Variants in ADGB observed in about 807,000 individuals in gnomAD.
The protein encoded by ADGB is calpain-7-like protein.
Under a neutral mutation model 210.5 loss-of-function variants are expected in ADGB, and 172 were observed. That is an observed-to-expected ratio of 0.82 (90% CI 0.72 to 0.93). ADGB has a LOEUF of 0.93. ADGB is among the 40% of genes least tolerant of loss of function. The pLI is 0.00. For synonymous variants in ADGB, 658 were observed against 662.7 expected, an observed-to-expected ratio of 0.99 and a Z score of 0.11; for missense variants, 2,025 against 1,964.8, an observed-to-expected ratio of 1.03 and a Z score of -0.58.
intron 35 of ADGB, chr6:146,802,681 A>AAAAT: frequency 1.0e-6 from 1 of 1,000,798 alleles, no homozygotes; most frequent in Non-Finnish European, 1.5e-6. Flanking sequence ...TTTAAAAGAA[A>AAAAT]AAATAGTTTT....
intron 1 of ADGB, among the ~76,000 whole-genome samples, chr6:146,599,934 C>T (rs1431719294): frequency 2.0e-5 from 3 of 152,112 alleles, no homozygotes; most frequent in Admixed American, 6.6e-5. Context: ...ATGGGGAGGG[C>T]GATGCAATCA....
Position 146,728,685 on chromosome 6 carries a change from A to G in ADGB, c.2464A>G (p.Thr822Ala), listed in dbSNP as rs771259432. The change falls in exon 20 of 36, where the codon ACA (threonine) becomes GCA (alanine). Residue 822 changes from threonine (T) to alanine (A), a missense_variant. By Grantham distance (58) the Thr-to-Ala change is moderately conservative. Coordinates refer to ENST00000397944, the MANE Select transcript of ADGB (RefSeq NM_024694.4). ...KLSAALKDLQ[T>A]AHYPVPFHDK... Reference sequence around the variant, plus strand: ...CTCTGCAGCTTTGAAGGATCTGCAAACAGCTCACTACCCTGTCCCCTTCCA... The same window carrying G: ...CTCTGCAGCTTTGAAGGATCTGCAAGCAGCTCACTACCCTGTCCCCTTCCA... 2.0e-5 allele frequency: 31 copies of G among 1,551,498 alleles called. No individual in the cohort carries two copies. The highest frequency in any genetic ancestry group is 2.0e-5 in the Admixed American group (1 of 50,982).
At chr6:146,674,871 A>AT (rs1220409986) in intron 8 of ADGB, among the ~76,000 whole-genome samples, 1 of 152,038 alleles carries the variant, frequency 6.6e-6, no homozygotes, top group Non-Finnish European at 1.5e-5. Flanking sequence ...AAACAGTTTG[A>AT]TTTTTTTCTA....
intron 13 of ADGB, among the ~76,000 whole-genome samples, chr6:146,712,259 A>G (rs1318804427): frequency 2.6e-5 from 4 of 151,642 alleles, no homozygotes; most frequent in African/African-American, 9.7e-5. Flanking sequence ...ATCTTGGCTC[A>G]CTGAAACCTC....
rs1481579956 is a variant in ADGB, at chr6:146,740,595, T to C, written c.3023+2T>C. ...AAATTCTTGGTTTATAGTATTCAGG[T>C]GAGGTTGTTATATAGTGACAAATAT... On this transcript the variant is annotated splice_donor_variant, in intron 24 of 35. Transcript: ENST00000397944. LOFTEE classifies it high-confidence loss of function. The C allele has an allele frequency of 1.3e-6, 2 of 1,549,536 alleles. No homozygotes were observed. The highest frequency in any genetic ancestry group is 2.7e-5 in the African/African-American group (2 of 72,944).
chr6:146,691,495 TA>T (rs1776325563), intron 11 of ADGB, among the ~76,000 whole-genome samples: 1 of 22,862 alleles, frequency 4.4e-5, no homozygotes. Flanking sequence ...TATATATATA[TA>T]TATATTTTTT....
intron 1 of ADGB, among the ~76,000 whole-genome samples, chr6:146,600,100 G>A: frequency 6.6e-6 from 1 of 152,052 alleles, no homozygotes; most frequent in Non-Finnish European, 1.5e-5. Flanking sequence ...TCATTCCCAT[G>A]TCTGTGAATC....
intron 35 of ADGB, among the ~76,000 whole-genome samples, chr6:146,808,638 G>A (rs1281458904): frequency 4.6e-5 from 7 of 152,098 alleles, no homozygotes; most frequent in Non-Finnish European, 7.4e-5. Flanking sequence ...CAGTGAAAGC[G>A]GTTTCACTTT....
rs1279500167 is a variant in ADGB, at chr6:146,769,066, C to A, written c.3797C>A (p.Pro1266His). The A allele has an allele frequency of 6.5e-7, 1 of 1,530,958 alleles. No individual in the cohort carries two copies. Among genetic ancestry groups the A allele is most frequent in the Non-Finnish European group, 8.8e-7 (1 of 1,132,718 alleles). 94.8% of individuals were successfully genotyped at this position (1,530,958 alleles called of 1,614,324 possible). A position where few individuals can be genotyped will look rare whatever the true frequency, so the allele number is the denominator to read the frequency against. The part of the protein sequence containing the change: ...IQCSVLYNSW[P>H]LTESQLTFVQ... Reference sequence around the variant, plus strand: ...TGTTCGGTGTTGTATAACAGTTGGCCTCTCACTGAAAGCCAGCTGACATTT... The same window carrying A: ...TGTTCGGTGTTGTATAACAGTTGGCATCTCACTGAAAGCCAGCTGACATTT... The change falls in exon 29 of 36, where the codon CCT becomes CAT. Residue 1266 changes from proline to histidine, a missense_variant. Physicochemically the swap from Pro to His is moderately conservative, Grantham distance 77. Transcript: ENST00000397944.
chr6:146,761,119 A>G (rs1465037357), intron 27 of ADGB, among the ~76,000 whole-genome samples: 1 of 151,998 alleles, frequency 6.6e-6, no homozygotes, highest in African/African-American at 2.4e-5. Context: ...TGGAGTTGTT[A>G]AAAAAATTAG....
chr6:146,682,585 T>C (rs1776172383), intron 9 of ADGB, among the ~76,000 whole-genome samples: 1 of 152,122 alleles, frequency 6.6e-6, no homozygotes, highest in African/African-American at 2.4e-5. Context: ...ACTGGAAAGA[T>C]AAGGAAATTT....
chr6:146,655,652 G>A (rs1370359888), intron 4 of ADGB, among the ~76,000 whole-genome samples: 1 of 152,018 alleles, frequency 6.6e-6, no homozygotes, highest in East Asian at 1.9e-4. Flanking sequence ...ATACATATTA[G>A]TATAAAATTA....
At chr6:146,659,706 G>A (rs886212686) in intron 5 of ADGB, among the ~76,000 whole-genome samples, 1 of 152,114 alleles carries the variant, frequency 6.6e-6, no homozygotes, top group Non-Finnish European at 1.5e-5. Context: ...TTAAGAACAG[G>A]GTTGTGACAC....
At chr6:146,782,983 A>G (rs1242277613) in intron 30 of ADGB, among the ~76,000 whole-genome samples, 1 of 152,174 alleles carries the variant, frequency 6.6e-6, no homozygotes, top group Non-Finnish European at 1.5e-5. Flanking sequence ...CATTAACATG[A>G]TCAGATTTAC....
In ADGB at chr6:146,702,751, C is replaced by T. The variant is rs536703524; in HGVS notation, c.1707+1681C>T. Among the ~76,000 whole-genome samples the T allele has an allele frequency of 5.3e-5, 8 of 151,956 alleles. No individual in the cohort carries two copies. In the South Asian group the frequency reaches 8.3e-4, roughly 16 times the overall value. ...TAAATGAACTGTAGTTTATTTCTAT[C>T]AATCTCTATAGATGAAATCTTGGGT... On this transcript the variant is annotated intron_variant, in intron 13 of 35. Transcript: ENST00000397944.
In ADGB at chr6:146,736,571, G is replaced by C; in HGVS notation, c.2868G>C (p.Gln956His). Reference sequence around the variant, plus strand: ...CTGTATTGGAAATGAATTTAGAACAGTATGCAGTTTCTCTCTTAAGGTAAA... The same window carrying C: ...CTGTATTGGAAATGAATTTAGAACACTATGCAGTTTCTCTCTTAAGGTAAA... ...VWAVLEMNLE[Q>H]YAVSLLRLMF... Residue 956 changes from glutamine (Q) to histidine (H), a missense_variant, in exon 23 of 36, where the codon CAG becomes CAC. Gln to His is a conservative substitution (Grantham distance 24, BLOSUM62 0). Coordinates refer to ENST00000397944, the MANE Select transcript of ADGB (RefSeq NM_024694.4). 6.5e-7 allele frequency: 1 copy of C among 1,548,134 alleles called. No individual in the cohort carries two copies. Among genetic ancestry groups the C allele is most frequent in the Non-Finnish European group, 8.7e-7 (1 of 1,144,946 alleles).
At chr6:146,738,438 C>CTTTT (rs71031008) in intron 23 of ADGB, among the ~76,000 whole-genome samples, 8 of 71,394 alleles carry the variant, frequency 1.1e-4, no homozygotes, top group African/African-American at 1.5e-4. Context: ...CCCATTTCAT[C>CTTTT]TTTTTTTTTT....
intron 1 of ADGB, among the ~76,000 whole-genome samples, chr6:146,612,856 A>C (rs1780733636): frequency 6.6e-6 from 1 of 152,160 alleles, no homozygotes; most frequent in Non-Finnish European, 1.5e-5. Flanking sequence ...CTCTACATCA[A>C]CTAAATGCTA....
At chr6:146,696,659 C>G (rs551089225) in intron 12 of ADGB, among the ~76,000 whole-genome samples, 6 of 152,234 alleles carry the variant, frequency 3.9e-5, no homozygotes, top group Admixed American at 3.3e-4. Flanking sequence ...CCTCACTTTT[C>G]TCTTTCACAT....
Sources: gnomAD v4.1 joint callset for allele counts (sites outside exome capture counted in the v4.1 genomes callset) on GRCh38, gnomAD v4.1.1 for gene constraint, MANE v1.5 for transcripts, NCBI Gene and HGNC (gene_info 2026-07-23, HGNC 2026-07-21) for gene names.